Variants in HECTD2 observed in about 807,000 individuals in gnomAD.
HECTD2 encodes probable E3 ubiquitin-protein ligase HECTD2.
In HECTD2, 35 loss-of-function variants were observed where a neutral mutation model predicts 103.2. The observed-to-expected ratio is 0.34, with a 90% CI of 0.26 to 0.45. The LOEUF is 0.45. Ranked by LOEUF, HECTD2 falls within the 20% of genes least tolerant of loss-of-function variation. The probability of loss-of-function intolerance (pLI) is 1.00; values close to 1 mark genes in which losing one functional copy is unlikely to be tolerated. For synonymous variants in HECTD2, 281 were observed against 329.9 expected (o/e 0.85, Z 1.61); for missense variants, 596 against 937.4 (o/e 0.64, Z 4.76).
At chr10:91,417,619 G>T (rs184493925) in intron 1 of HECTD2, among the ~76,000 whole-genome samples, 5,417 of 151,738 alleles carry the variant, frequency 0.036, 136 homozygotes, top group Non-Finnish European at 0.052. Context: ...TGCGGTGTTT[G>T]GTTTTTTGTC....
At chr10:91,502,419 T>C (rs946183616) in intron 20 of HECTD2, among the ~76,000 whole-genome samples, 5 of 152,202 alleles carry the variant, frequency 3.3e-5, no homozygotes, top group Non-Finnish European at 7.4e-5. Flanking sequence ...CTCAAATATC[T>C]TGTAGAAGTT....
chr10:91,439,419 C>T (rs578047592), intron 2 of HECTD2, among the ~76,000 whole-genome samples: 5 of 152,174 alleles, frequency 3.3e-5, no homozygotes, highest in South Asian at 2.1e-4. Context: ...GACCTTTATC[C>T]GGTTCCATTG....
At chr10:91,416,785 C>G (rs911854131) in intron 1 of HECTD2, among the ~76,000 whole-genome samples, 5 of 152,188 alleles carry the variant, frequency 3.3e-5, no homozygotes, top group African/African-American at 1.2e-4. Context: ...AAGCCTCAGG[C>G]CCTGTATGTA....
At chr10:91,460,770 T>C (rs568709490) in intron 3 of HECTD2, among the ~76,000 whole-genome samples, 94 of 151,826 alleles carry the variant, frequency 6.2e-4, no homozygotes, top group Admixed American at 1.6e-3. Context: ...TGCAGCAAAA[T>C]AAAGGAAACA....
At chr10:91,425,496 G>C (rs1167684388) in intron 2 of HECTD2, 86 bp downstream of exon 2, 1 of 1,004,974 alleles carries the variant, frequency 1.0e-6, no homozygotes, top group East Asian at 2.9e-5. Flanking sequence ...GCATTGTTCT[G>C]ATAGGTCTAG....
At chr10:91,495,338 T>C (rs1301780110) in intron 14 of HECTD2, among the ~76,000 whole-genome samples, 5 of 152,046 alleles carry the variant, frequency 3.3e-5, no homozygotes, top group Non-Finnish European at 5.9e-5. Context: ...GTATTGTGTT[T>C]CTAATACAAT....
At chr10:91,486,982 C>T (rs1417295559) in intron 10 of HECTD2, 1 of 152,326 alleles carries the variant, frequency 6.6e-6, no homozygotes, top group Non-Finnish European at 1.5e-5. Flanking sequence ...GGCAATCTAA[C>T]TCCAGAAGTG....
intron 1 of HECTD2, among the ~76,000 whole-genome samples, chr10:91,413,024 G>A (rs1842986968): frequency 1.3e-5 from 2 of 152,092 alleles, no homozygotes; most frequent in African/African-American, 4.8e-5. Flanking sequence ...AGACATTCCA[G>A]TGATTGTTCC....
At chr10:91,484,294 C>T in intron 8 of HECTD2, 2 of 1,117,084 alleles carry the variant, frequency 1.8e-6, no homozygotes, top group Non-Finnish European at 2.5e-6. Flanking sequence ...TTGTTACTAA[C>T]TTTATAGTAA....
At chr10:91,410,013 T>C (rs7098874), upstream of HECTD2, among the ~76,000 whole-genome samples, 152,292 of 152,292 alleles carry the variant, frequency 1, 76,146 homozygotes, top group Non-Finnish European at 1. Flanking sequence ...CTGCCCGTCC[T>C]TAGTCCAGGT....
intron 2 of HECTD2, among the ~76,000 whole-genome samples, chr10:91,433,487 A>G (rs1055943961): frequency 2.6e-5 from 4 of 152,030 alleles, no homozygotes; most frequent in Non-Finnish European, 4.4e-5. Context: ...TTTCTGTATC[A>G]GTACATAGAA....
chr10:91,468,274 A>G (rs780116507), intron 5 of HECTD2, among the ~76,000 whole-genome samples: 1 of 152,212 alleles, frequency 6.6e-6, no homozygotes, highest in African/African-American at 2.4e-5. Flanking sequence ...GAGTTAGAGC[A>G]TGCAGCCCAG....
intron 2 of HECTD2, among the ~76,000 whole-genome samples, chr10:91,444,741 C>T (rs1406308830): frequency 7.0e-6 from 1 of 141,980 alleles, no homozygotes; most frequent in African/African-American, 3.2e-5. Context: ...ATTAATTAGA[C>T]CTCAAACTGA....
At chr10:91,470,458 G>A (rs1468196090) in intron 5 of HECTD2, among the ~76,000 whole-genome samples, 1 of 152,134 alleles carries the variant, frequency 6.6e-6, no homozygotes, top group Admixed American at 6.6e-5. Context: ...TGACTTTTGG[G>A]TAAGCAGTGA....
At chr10:91,426,981 CTAATGCTA>C (rs1398665282) in intron 2 of HECTD2, among the ~76,000 whole-genome samples, 2 of 141,280 alleles carry the variant, frequency 1.4e-5, no homozygotes, top group Non-Finnish European at 3.1e-5. Flanking sequence ...GGTGTATCTC[CTAATGCTA>C]TCCCTCCCCC....
chr10:91,433,638 C>A (rs971691602), intron 2 of HECTD2, among the ~76,000 whole-genome samples: 32 of 151,968 alleles, frequency 2.1e-4, no homozygotes, highest in Admixed American at 6.6e-4. Flanking sequence ...GCAGACAATG[C>A]CACAATGAAT....
chr10:91,493,031 G>T (rs1475772998), intron 13 of HECTD2, among the ~76,000 whole-genome samples: 2 of 151,730 alleles, frequency 1.3e-5, no homozygotes, highest in Non-Finnish European at 2.9e-5. Flanking sequence ...ATATGTGTAT[G>T]TGATGGGAAA....
At chr10:91,416,642 C>T (rs1348487874) in intron 1 of HECTD2, among the ~76,000 whole-genome samples, 1 of 152,234 alleles carries the variant, frequency 6.6e-6, no homozygotes, top group Non-Finnish European at 1.5e-5. Context: ...AAAATATCCT[C>T]ATTGTTAAGT....
At chr10:91,469,313 A>G (rs1363802504) in intron 5 of HECTD2, among the ~76,000 whole-genome samples, 1 of 152,216 alleles carries the variant, frequency 6.6e-6, no homozygotes, top group African/African-American at 2.4e-5. Context: ...CAGATTCTCC[A>G]AAGTCAAAAT....
Sources: allele counts gnomAD v4.1 joint callset (sites outside exome capture counted in the v4.1 genomes callset), GRCh38; gene constraint gnomAD v4.1.1; transcripts MANE v1.5; gene names NCBI Gene and HGNC (gene_info 2026-07-23, HGNC 2026-07-21).